Variants in SNX14 observed in about 807,000 individuals in gnomAD.
SNX14 encodes sorting nexin 14, also known as sorting nexin-14.
In SNX14, 93 loss-of-function variants were observed where a neutral mutation model predicts 133.8. That is an observed-to-expected ratio of 0.70 (90% CI 0.59 to 0.83). SNX14 has a LOEUF of 0.83. Among genes scored for constraint, SNX14 ranks in the 40% least tolerant of loss-of-function variants. The pLI, the probability that SNX14 is intolerant of heterozygous loss-of-function variation, is 0.00. For missense variants in SNX14, 945 were observed against 1,094.9 expected, an observed-to-expected ratio of 0.86 and a Z score of 1.93; for synonymous variants, 368 against 365.6, an observed-to-expected ratio of 1.01 and a Z score of -0.07.
chr6:85,579,226 G>C (rs931850864), intron 1 of SNX14, among the ~76,000 whole-genome samples: 2 of 151,952 alleles, frequency 1.3e-5, no homozygotes, highest in African/African-American at 4.8e-5. Flanking sequence ...CAACCCCAAA[G>C]AAGACAAGAG....
At chr6:85,511,083 G>C (rs1004278073) in intron 26 of SNX14, among the ~76,000 whole-genome samples, 1 of 152,074 alleles carries the variant, frequency 6.6e-6, no homozygotes, top group African/African-American at 2.4e-5. Flanking sequence ...TTAGTTCTTT[G>C]ATTTCTTTAA....
chr6:85,565,572 T>A (rs1345180210), intron 5 of SNX14, among the ~76,000 whole-genome samples, 153 bp from the exon 6 acceptor site: 1 of 152,120 alleles, frequency 6.6e-6, no homozygotes, highest in African/African-American at 2.4e-5. Flanking sequence ...AAAAAAGACA[T>A]GTACAAAAAA....
chr6:85,542,639 C>A (rs1270940883), intron 14 of SNX14, among the ~76,000 whole-genome samples: 2 of 152,196 alleles, frequency 1.3e-5, no homozygotes, highest in Non-Finnish European at 2.9e-5. Context: ...TGTGATCCGC[C>A]CGCCTCGGCC....
chr6:85,580,813 G>T (rs1035761908), intron 1 of SNX14, among the ~76,000 whole-genome samples: 10 of 152,134 alleles, frequency 6.6e-5, no homozygotes, highest in East Asian at 3.8e-4. Context: ...TTGTGGTATA[G>T]GTGCCAGCTC....
intron 1 of SNX14, chr6:85,588,742 C>A: frequency 2.9e-6 from 1 of 340,226 alleles, no homozygotes; most frequent in Admixed American, 3.2e-5. Context: ...CTTACCAATA[C>A]AGTAATAGTT....
At chr6:85,529,846 T>C (rs1779676550) in intron 19 of SNX14, among the ~76,000 whole-genome samples, 1 of 152,202 alleles carries the variant, frequency 6.6e-6, no homozygotes, top group African/African-American at 2.4e-5. Flanking sequence ...GGAAATTCTT[T>C]ATAACTATAT....
chr6:85,512,022 A>G (rs144058488), intron 26 of SNX14, among the ~76,000 whole-genome samples: 28 of 152,252 alleles, frequency 1.8e-4, no homozygotes, highest in African/African-American at 5.5e-4. Context: ...AACTTCACAC[A>G]TGCTTCTCAG....
intron 5 of SNX14, among the ~76,000 whole-genome samples, chr6:85,566,245 G>C (rs369989697): frequency 6.6e-6 from 1 of 152,174 alleles, no homozygotes; most frequent in Non-Finnish European, 1.5e-5. Flanking sequence ...TTTACAAAAG[G>C]CCTCACCATC....
intron 4 of SNX14, among the ~76,000 whole-genome samples, chr6:85,570,620 C>T (rs1371152731): frequency 3.3e-5 from 5 of 152,034 alleles, no homozygotes; most frequent in South Asian, 2.1e-4. Flanking sequence ...TTTGGGAGGT[C>T]GAGGCAGGTG....
At chr6:85,558,125 A>G (rs971561287) in intron 6 of SNX14, 65 bp from the exon 7 acceptor site, 10 of 786,188 alleles carry the variant, frequency 1.3e-5, no homozygotes, top group Admixed American at 6.8e-5. Flanking sequence ...CAGGTACACT[A>G]CAATTATGAT....
At chr6:85,515,636 T>C (rs957628939) in intron 23 of SNX14, among the ~76,000 whole-genome samples, 1 of 152,182 alleles carries the variant, frequency 6.6e-6, no homozygotes, top group Non-Finnish European at 1.5e-5. Context: ...CCATATATTC[T>C]ATTGGCTCTT....
At chr6:85,514,681 G>A in intron 23 of SNX14, 52 bp from the exon 24 acceptor site, 1 of 1,550,682 alleles carries the variant, frequency 6.4e-7, no homozygotes, top group South Asian at 1.1e-5. Context: ...TACATCTGCT[G>A]ACGATAATCA....
intron 1 of SNX14, among the ~76,000 whole-genome samples, chr6:85,583,031 C>T (rs1016606280): frequency 6.6e-6 from 1 of 152,188 alleles, no homozygotes; most frequent in African/African-American, 2.4e-5. Flanking sequence ...CAAAAAAATA[C>T]TGGCAAACCG....
intron 16 of SNX14, 84 bp downstream of exon 16, chr6:85,538,754 T>G (rs1457743339): frequency 8.1e-7 from 1 of 1,238,072 alleles, no homozygotes; most frequent in Non-Finnish European, 1.1e-6. Context: ...TTCCATTTTT[T>G]TCCTTTTTAT....
intron 6 of SNX14, among the ~76,000 whole-genome samples, chr6:85,563,966 C>T (rs767439079): frequency 3.3e-5 from 5 of 152,108 alleles, no homozygotes; most frequent in Admixed American, 6.5e-5. Context: ...GTTCCCCACC[C>T]TGTGTCCAAA....
intron 21 of SNX14, among the ~76,000 whole-genome samples, chr6:85,525,673 C>G (rs1778282160): frequency 6.6e-6 from 1 of 151,952 alleles, no homozygotes; most frequent in Non-Finnish European, 1.5e-5. Context: ...CTTTATAATA[C>G]AAAATGAGGA....
In SNX14 at chr6:85,514,396, T is replaced by C. The variant is rs184359559; in HGVS notation, c.2392+110A>G. 417 of 1,437,444 alleles carry C rather than the reference T, an allele frequency of 2.9e-4. 1 individual carries two copies. The African/African-American group carries it at 5.4e-3, about 19-fold the overall frequency. The allele number at this position is 1,437,444 out of a possible 1,614,324, so 89.0% of individuals were successfully genotyped here. A position where few individuals can be genotyped will look rare whatever the true frequency, so the allele number is the denominator to read the frequency against. On this transcript the variant is annotated intron_variant, in intron 24 of 28. Transcript: ENST00000314673. ...AATCGTATTGAATTATTATAAAAGG[T>C]ATCTTCAATTAAAAAGACAGTTATG...
At chr6:85,533,140 G>T (rs1465091271) in intron 18 of SNX14, among the ~76,000 whole-genome samples, 1 of 152,128 alleles carries the variant, frequency 6.6e-6, no homozygotes, top group Non-Finnish European at 1.5e-5. Context: ...ACCTGCCTTG[G>T]CCTCCCAAAG....
At chr6:85,542,471 T>G (rs776006540) in intron 14 of SNX14, among the ~76,000 whole-genome samples, 3 of 152,218 alleles carry the variant, frequency 2.0e-5, no homozygotes, top group Non-Finnish European at 4.4e-5. Flanking sequence ...CTCGGCTCAC[T>G]GCAAGCTCCG....
Sources: gnomAD v4.1 joint callset for allele counts (sites outside exome capture counted in the v4.1 genomes callset) on GRCh38, gnomAD v4.1.1 for gene constraint, MANE v1.5 for transcripts, NCBI Gene and HGNC (gene_info 2026-07-23, HGNC 2026-07-21) for gene names.